ASTN1: variants seen among roughly 807,000 people sequenced by gnomAD.
ASTN1 encodes the protein astrotactin 1.
In ASTN1, 41 loss-of-function variants were observed where a neutral mutation model predicts 140.7. The observed-to-expected ratio is 0.29, with a 90% CI of 0.23 to 0.38. The LOEUF (loss-of-function observed/expected upper bound fraction) is 0.38, where lower values mean the gene tolerates loss of function less well. Ranked by LOEUF, ASTN1 falls within the 10% of genes least tolerant of loss-of-function variation. The pLI is 1.00. For missense variants in ASTN1, 1,479 were observed against 1,678.8 expected (o/e 0.88, Z 2.08); for synonymous variants, 640 against 652.2 (o/e 0.98, Z 0.29).
chr1:177,126,235 AC>A, intron 1 of ASTN1, among the ~76,000 whole-genome samples: 1 of 152,120 alleles, frequency 6.6e-6, no homozygotes, highest in South Asian at 2.1e-4. Context: ...CACCTCTGAG[AC>A]CCTCAGCTGC....
intron 7 of ASTN1, among the ~76,000 whole-genome samples, chr1:177,020,780 C>T (rs754691783): frequency 1.4e-4 from 22 of 152,178 alleles, no homozygotes; most frequent in Non-Finnish European, 2.6e-4. Context: ...TGGGGATGCT[C>T]TTAGGAAGGA....
chr1:176,945,149 C>A (rs1671898211), intron 13 of ASTN1, among the ~76,000 whole-genome samples: 1 of 152,068 alleles, frequency 6.6e-6, no homozygotes, highest in African/African-American at 2.4e-5. Flanking sequence ...GAATGGAGAA[C>A]CACCTAGAAA....
chr1:177,060,458 T>C (rs1037573400), intron 2 of ASTN1, among the ~76,000 whole-genome samples: 2 of 152,274 alleles, frequency 1.3e-5, no homozygotes, highest in Non-Finnish European at 1.5e-5. Flanking sequence ...ACTTTAAGAT[T>C]CTCCAATACA....
intron 1 of ASTN1, among the ~76,000 whole-genome samples, chr1:177,143,170 T>A (rs1276745731): frequency 6.6e-6 from 1 of 152,210 alleles, no homozygotes; most frequent in Non-Finnish European, 1.5e-5. Flanking sequence ...ATTTACATGG[T>A]GACTTCAAGA....
intron 14 of ASTN1, among the ~76,000 whole-genome samples, chr1:176,939,732 C>T (rs147410451): frequency 0.011 from 1,596 of 150,424 alleles, 19 homozygotes; most frequent in Non-Finnish European, 0.018. Flanking sequence ...TTTTTCCTAC[C>T]TATGCTTGAA....
At chr1:176,937,324 G>T (rs1671491702) in intron 14 of ASTN1, among the ~76,000 whole-genome samples, 1 of 152,196 alleles carries the variant, frequency 6.6e-6, no homozygotes, top group Admixed American at 6.5e-5. Context: ...TAAGGGGCAG[G>T]AACAGCCAAA....
At chr1:177,139,273 T>C (rs986326399) in intron 1 of ASTN1, among the ~76,000 whole-genome samples, 2 of 152,188 alleles carry the variant, frequency 1.3e-5, no homozygotes, top group African/African-American at 4.8e-5. Context: ...TATGAAATAA[T>C]GTAAGTTAGA....
rs2103006121 is a variant in ASTN1 at position 176,862,689 on chromosome 1, T to C, written c.*1595A>G. On this transcript the variant is annotated 3_prime_UTR_variant, in exon 23 of 23. Transcript: ENST00000361833. Reference sequence around the variant, plus strand: ...GCAAGTTGTATAACCTCTCTTTGCCTCGTTTTCCTCAACACTAAAATGGAG... The same window carrying C: ...GCAAGTTGTATAACCTCTCTTTGCCCCGTTTTCCTCAACACTAAAATGGAG... 1 of 907,790 alleles carries C rather than the reference T, an allele frequency of 1.1e-6. No homozygotes were observed. Among genetic ancestry groups the C allele is most frequent in the African/African-American group, 1.8e-5 (1 of 55,616 alleles). The allele number at this position is 907,790 out of a possible 1,614,324, so 56.2% of individuals were successfully genotyped here.
intron 2 of ASTN1, among the ~76,000 whole-genome samples, chr1:177,046,911 A>G (rs1368248459): frequency 1.3e-5 from 2 of 152,110 alleles, no homozygotes; most frequent in Non-Finnish European, 2.9e-5. Flanking sequence ...CCCCATCCCA[A>G]CAGTGCCACT....
At position 177,111,297 on chromosome 1, in the gene ASTN1, G is replaced by GT. The variant is rs369161563; in HGVS notation, c.284-50033dup. Among the ~76,000 whole-genome samples, 349 of 151,074 alleles carry GT rather than the reference G, an allele frequency of 2.3e-3. 1 individual carries two copies. The highest frequency in any genetic ancestry group is 6.9e-3 in the African/African-American group (284 of 41,198). ...AATTCTAGGACTAATTCCAAAGACT[G>GT]TTTTTTTTTCCAAAATGCTGCCAAT... On this transcript the variant is annotated intron_variant, in intron 1 of 22. Coordinates refer to ENST00000361833, the MANE Select transcript of ASTN1 (RefSeq NM_004319.3).
intron 8 of ASTN1, among the ~76,000 whole-genome samples, chr1:176,985,849 C>CT (rs1673875353): frequency 2.4e-3 from 174 of 73,876 alleles, no homozygotes; most frequent in African/African-American, 0.013. Flanking sequence ...TCTCTCTACA[C>CT]ACACACACAC....
intron 1 of ASTN1, among the ~76,000 whole-genome samples, chr1:177,066,577 G>C (rs937614732): frequency 1.3e-5 from 2 of 152,098 alleles, no homozygotes; most frequent in African/African-American, 2.4e-5. Flanking sequence ...TACCATCCAA[G>C]TGCCCTGTTC....
intron 8 of ASTN1, among the ~76,000 whole-genome samples, chr1:176,972,225 A>C (rs983521696): frequency 2.0e-5 from 3 of 152,228 alleles, no homozygotes; most frequent in Non-Finnish European, 4.4e-5. Flanking sequence ...TATGTGGTAC[A>C]TGACTGTACT....
intron 8 of ASTN1, among the ~76,000 whole-genome samples, chr1:176,968,835 A>G (rs557349626): frequency 6.6e-6 from 1 of 152,276 alleles, no homozygotes; most frequent in East Asian, 1.9e-4. Context: ...ACCACTGAGA[A>G]TGTTAAAAGG....
intron 8 of ASTN1, among the ~76,000 whole-genome samples, chr1:176,973,163 G>T (rs1673214471): frequency 6.6e-6 from 1 of 151,846 alleles, no homozygotes; most frequent in Admixed American, 6.6e-5. Flanking sequence ...ACCCCTCCCT[G>T]GTCTCAATTT....
intron 1 of ASTN1, among the ~76,000 whole-genome samples, chr1:177,124,015 C>T (rs114103981): frequency 2.0e-5 from 3 of 152,138 alleles, no homozygotes; most frequent in South Asian, 2.1e-4. Context: ...CTGATGGAGC[C>T]GTTTTTGAGG....
intron 1 of ASTN1, among the ~76,000 whole-genome samples, chr1:177,119,561 G>A (rs886573023): frequency 1.3e-5 from 2 of 152,164 alleles, no homozygotes; most frequent in East Asian, 3.9e-4. Flanking sequence ...CTGCAGAAAT[G>A]CAAAGTGTAT....
chr1:177,164,054 A>G (rs890962047), intron 1 of ASTN1, among the ~76,000 whole-genome samples: 1 of 152,032 alleles, frequency 6.6e-6, no homozygotes, highest in Non-Finnish European at 1.5e-5. Context: ...TGGGAGTTGA[A>G]CTGGTAGCAG....
intron 16 of ASTN1, among the ~76,000 whole-genome samples, chr1:176,906,399 T>A (rs12081270): frequency 0.047 from 7,090 of 152,264 alleles, 181 homozygotes; most frequent in African/African-American, 0.074. Flanking sequence ...TCAGAAACAG[T>A]GCTCAGTGCT....
Sources: gnomAD v4.1 joint callset for allele counts (sites outside exome capture counted in the v4.1 genomes callset) on GRCh38, gnomAD v4.1.1 for gene constraint, MANE v1.5 for transcripts, NCBI Gene and HGNC (gene_info 2026-07-23, HGNC 2026-07-21) for gene names.